Variants in OSBP2 observed in about 807,000 individuals in gnomAD.
OSBP2 encodes the protein oxysterol-binding protein 2.
A neutral mutation model predicts 96.0 loss-of-function variants in OSBP2; 66 were observed. The ratio of observed to expected loss-of-function variants is 0.69; its 90% CI spans 0.56 to 0.84. The LOEUF is 0.84. OSBP2 is among the 40% of genes least tolerant of loss of function. The pLI is 0.00. For missense variants in OSBP2, 1,038 were observed against 1,222.7 expected, an observed-to-expected ratio of 0.85 and a Z score of 2.25; for synonymous variants, 525 against 520.9, an observed-to-expected ratio of 1.01 and a Z score of -0.11.
At chr22:30,892,684 T>C (rs1045020740) in intron 8 of OSBP2, among the ~76,000 whole-genome samples, 1 of 152,098 alleles carries the variant, frequency 6.6e-6, no homozygotes, top group African/African-American at 2.4e-5. Context: ...AGGGCCCGAC[T>C]GCCCCTTGGC....
intron 2 of OSBP2, among the ~76,000 whole-genome samples, chr22:30,853,997 C>G (rs1485057563): frequency 6.6e-6 from 1 of 152,086 alleles, no homozygotes; most frequent in African/African-American, 2.4e-5. Flanking sequence ...CTGACCTCAT[C>G]ATCCGCCCAC....
intron 2 of OSBP2, among the ~76,000 whole-genome samples, chr22:30,810,898 G>T (rs572906115): frequency 1.3e-5 from 2 of 152,256 alleles, no homozygotes; most frequent in African/African-American, 2.4e-5. Context: ...AGAGTCACTC[G>T]TAGGGCATCA....
At chr22:30,783,292 A>G (rs1291407181) in intron 2 of OSBP2, among the ~76,000 whole-genome samples, 1 of 119,390 alleles carries the variant, frequency 8.4e-6, no homozygotes, top group Non-Finnish European at 1.7e-5. Context: ...AGGGAGTCTC[A>G]TTCAGAGAGC....
intron 1 of OSBP2, among the ~76,000 whole-genome samples, chr22:30,729,655 G>A (rs1014437336): frequency 1.1e-4 from 17 of 149,524 alleles, no homozygotes; most frequent in Admixed American, 1.0e-3. Context: ...ATATATATAT[G>A]TGTGTGTATA....
At chr22:30,752,537 G>A (rs2145757952) in intron 2 of OSBP2, among the ~76,000 whole-genome samples, 2 of 152,046 alleles carry the variant, frequency 1.3e-5, no homozygotes, top group African/African-American at 4.8e-5. Flanking sequence ...TGATCCGCCT[G>A]CCTTGGCCTC....
intron 2 of OSBP2, among the ~76,000 whole-genome samples, chr22:30,743,723 G>T (rs2089968166): frequency 6.6e-6 from 1 of 152,158 alleles, no homozygotes; most frequent in Non-Finnish European, 1.5e-5. Context: ...TATTTTTTAG[G>T]AACTTCTTGA....
intron 2 of OSBP2, among the ~76,000 whole-genome samples, chr22:30,772,556 G>A (rs1025753645): frequency 1.3e-5 from 2 of 152,184 alleles, no homozygotes; most frequent in Non-Finnish European, 2.9e-5. Flanking sequence ...TTCAGAGCCT[G>A]GCCACAGAAG....
In OSBP2 at chr22:30,797,920, C is replaced by T. The variant is rs376364528; in HGVS notation, c.853+56551C>T. 4.5e-4 allele frequency among the ~76,000 whole-genome samples: 69 copies of T among 152,270 alleles called. 1 individual carries two copies. The East Asian group carries it at 0.011, about 24-fold the overall frequency. ...ATGCTGCTATGGATATTGGTGTACA[C>T]GTATCTCTTTGAGACCCTGGTATAT... On this transcript the variant is annotated intron_variant, in intron 2 of 13. Coordinates refer to ENST00000332585, the MANE Select transcript of OSBP2 (RefSeq NM_030758.4).
chr22:30,840,556 C>T (rs73154681), intron 2 of OSBP2, among the ~76,000 whole-genome samples: 1 of 152,116 alleles, frequency 6.6e-6, no homozygotes, highest in Non-Finnish European at 1.5e-5. Flanking sequence ...AGACTTAGCT[C>T]TGCCCCTTAC....
At position 30,775,858 on chromosome 22, in the gene OSBP2, C is replaced by T. The variant is rs116296921; in HGVS notation, c.853+34489C>T. Among the ~76,000 whole-genome samples, 843 of 151,616 alleles carry T rather than the reference C, an allele frequency of 5.6e-3. 12 individuals are homozygous for T. Among genetic ancestry groups the T allele is most frequent in the African/African-American group, 0.02 (817 of 41,308 alleles). On this transcript the variant is annotated intron_variant, in intron 2 of 13. Transcript: ENST00000332585. Reference sequence around the variant, plus strand: ...TTGCTCAGGCTGGAGTTCAGTGGCGCCATCTCTGCTCATTGCAACTTGCTG... The same window carrying T: ...TTGCTCAGGCTGGAGTTCAGTGGCGTCATCTCTGCTCATTGCAACTTGCTG...
intron 2 of OSBP2, among the ~76,000 whole-genome samples, chr22:30,745,666 CAAAA>C (rs71328868): frequency 3.4e-5 from 2 of 58,652 alleles, no homozygotes; most frequent in Non-Finnish European, 3.2e-5. Context: ...GACTCTGTCT[CAAAA>C]AAAAAAAAAA....
intron 2 of OSBP2, among the ~76,000 whole-genome samples, chr22:30,807,237 A>G (rs2090940955): frequency 6.6e-6 from 1 of 151,960 alleles, no homozygotes; most frequent in African/African-American, 2.4e-5. Context: ...TGCCCCCGCG[A>G]GACTCAGCTC....
chr22:30,886,815 G>C (rs2039820004), intron 3 of OSBP2, among the ~76,000 whole-genome samples: 3 of 152,178 alleles, frequency 2.0e-5, no homozygotes, highest in Admixed American at 2.0e-4. Context: ...ACAGGGAATG[G>C]AGGTGGGGGA....
chr22:30,751,355 AT>A (rs1202530037), intron 2 of OSBP2, among the ~76,000 whole-genome samples: 1 of 150,834 alleles, frequency 6.6e-6, no homozygotes, highest in Non-Finnish European at 1.5e-5. Context: ...ATATATATAT[AT>A]TTTTTTCTTT....
At chr22:30,897,826 TG>T (rs1388076160) in intron 12 of OSBP2, among the ~76,000 whole-genome samples, 1 of 152,046 alleles carries the variant, frequency 6.6e-6, no homozygotes, top group African/African-American at 2.4e-5. Flanking sequence ...GGCACGCACT[TG>T]TAATCCCAGC....
At chr22:30,887,344 G>C in intron 3 of OSBP2, 82 bp from the exon 4 acceptor site, 1 of 1,172,848 alleles carries the variant, frequency 8.5e-7, no homozygotes. Context: ...GTTTAAGGTG[G>C]AGTTGCTCTG....
chr22:30,864,875 C>T (rs754544165), intron 2 of OSBP2, among the ~76,000 whole-genome samples: 2 of 152,068 alleles, frequency 1.3e-5, no homozygotes, highest in East Asian at 1.9e-4. Flanking sequence ...GAGGAGCTCA[C>T]GGGCAGTGAG....
chr22:30,751,459 A>G (rs1240657479), intron 2 of OSBP2, among the ~76,000 whole-genome samples: 1 of 151,966 alleles, frequency 6.6e-6, no homozygotes. Flanking sequence ...AGTTCAAGCA[A>G]TTCTCCTGCC....
intron 2 of OSBP2, among the ~76,000 whole-genome samples, chr22:30,756,121 C>G (rs915266051): frequency 1.3e-5 from 2 of 152,212 alleles, no homozygotes; most frequent in African/African-American, 4.8e-5. Context: ...ACAGCAGTTA[C>G]CCTTCCAGTG....
Sources: allele counts gnomAD v4.1 joint callset (sites outside exome capture counted in the v4.1 genomes callset), GRCh38; gene constraint gnomAD v4.1.1; transcripts MANE v1.5; gene names NCBI Gene and HGNC (gene_info 2026-07-23, HGNC 2026-07-21).